Variants in ACHE observed in about 807,000 individuals in gnomAD.
ACHE encodes acetylcholinesterase.
A neutral mutation model predicts 53.9 loss-of-function variants in ACHE; 19 were observed. The observed-to-expected ratio is 0.35, with a 90% CI of 0.25 to 0.52. ACHE has a LOEUF of 0.52. Ranked by LOEUF, ACHE falls within the 20% of genes least tolerant of loss-of-function variation. The pLI, the probability that ACHE is intolerant of heterozygous loss-of-function variation, is 0.95. For synonymous variants in ACHE, 392 were observed against 378.1 expected, an observed-to-expected ratio of 1.04 and a Z score of -0.43; for missense variants, 605 against 849.4, an observed-to-expected ratio of 0.71 and a Z score of 3.58.
chr7:100,891,199 G>C lies in ACHE; in HGVS notation c.1693C>G (p.Arg565Gly), dbSNP rs1258199475. 3.7e-6 allele frequency: 6 copies of C among 1,610,044 alleles called. No homozygotes were observed. Among genetic ancestry groups the C allele is most frequent in the Non-Finnish European group, 4.2e-6 (5 of 1,178,922 alleles). Residue 565 changes from arginine to glycine, a missense_variant, in exon 4 of 5, where the codon CGC becomes GGC. Coordinates refer to ENST00000241069, the MANE Select transcript of ACHE (RefSeq NM_000665.5). Reference sequence around the variant, plus strand: ...GCGCTGAGCAATTTGGGGAGGAAGCGGTTCCAGAAGGCGCAGGCCTGGGCG... The same window carrying C: ...GCGCTGAGCAATTTGGGGAGGAAGCCGTTCCAGAAGGCGCAGGCCTGGGCG... Reference protein sequence around the residue: ...LRAQACAFWNRFLPKLLSATD... With the variant: ...LRAQACAFWNGFLPKLLSATD...
At position 100,892,384 on chromosome 7, in the gene ACHE, T is replaced by C; in HGVS notation, c.1503A>G (p.Lys501=). 7 of 1,515,160 alleles carry C rather than the reference T, an allele frequency of 4.6e-6. No homozygotes were observed. Among genetic ancestry groups the C allele is most frequent in the Non-Finnish European group, 6.2e-6 (7 of 1,129,034 alleles). The allele number at this position is 1,515,160 out of a possible 1,614,324, so 93.9% of individuals were successfully genotyped here. A position where few individuals can be genotyped will look rare whatever the true frequency, so the allele number is the denominator to read the frequency against. ...ATCGCATCAGTCGCTGGGCGAAGAT[T>C]TTCTCCTCTGCCGTGTAGTTTCGAG... The part of the protein sequence containing the change: ...DPSRNYTAEE[K]IFAQRLMRYW... The change falls in exon 3 of 5, where the codon AAA becomes AAG. Residue 501 remains lysine, a synonymous_variant. Coordinates refer to ENST00000241069, the MANE Select transcript of ACHE (RefSeq NM_000665.5). The surrounding 1 kb of genome is among the most constrained non-coding windows in gnomAD (Gnocchi z 5.2).
At position 100,894,161 on chromosome 7, in the gene ACHE, G is replaced by C. The variant is rs1052761992; in HGVS notation, c.72C>G (p.Leu24=). ...ASPLLLLLLW[L]LGGGVGAEGR... is the part of the protein sequence containing the mutation. The stretch of plus-strand genomic sequence containing the variant: ...CCTCAGCCCCCACTCCTCCACCCAG[G>C]AGCCAGAGGAGGAGGAGAAGGAGTG... The change falls in exon 2 of 5, where the codon CTC becomes CTG. Residue 24 remains leucine, a synonymous_variant. Transcript: ENST00000241069. The C allele has an allele frequency of 2.0e-6, 3 of 1,485,478 alleles. No individual in the cohort carries two copies. Among genetic ancestry groups the C allele is most frequent in the African/African-American group, 1.4e-5 (1 of 71,370 alleles). 92.0% of individuals were successfully genotyped at this position (1,485,478 alleles called of 1,614,324 possible).
chr7:100,894,238 CA>C lies in ACHE; in HGVS notation c.-7del. 1 of 1,431,484 alleles carries C rather than the reference CA, an allele frequency of 7.0e-7. No homozygotes were observed. The highest frequency in any genetic ancestry group is 9.1e-7 in the Non-Finnish European group (1 of 1,096,912). 88.7% of individuals were successfully genotyped at this position (1,431,484 alleles called of 1,614,324 possible). A position where few individuals can be genotyped will look rare whatever the true frequency, so the allele number is the denominator to read the frequency against. ...AGACACTGCGGGGGCCTCATGGCTG[CA>C]GGGCAGGCGGCGTCTGCTGGGAGAA... On this transcript the variant is annotated 5_prime_UTR_variant, in exon 2 of 5. Transcript: ENST00000241069.
chr7:100,894,188 G>C lies in ACHE; in HGVS notation c.45C>G (p.Ser15=), dbSNP rs567874662. 6.8e-7 allele frequency: 1 copy of C among 1,477,368 alleles called. No homozygotes were observed. The highest frequency in any genetic ancestry group is 2.3e-5 in the East Asian group (1 of 42,736). 91.5% of individuals were successfully genotyped at this position (1,477,368 alleles called of 1,614,324 possible). ...GCCAGAGGAGGAGGAGAAGGAGTGG[G>C]GAAGCCAGGGAAGGCGTGTGCAGCA... The part of the protein sequence containing the change: ...QCLLHTPSLA[S]PLLLLLLWLL... The change falls in exon 2 of 5, where the codon TCC becomes TCG. Residue 15 remains serine (S), a synonymous_variant. Transcript: ENST00000241069.
At chr7:100,893,073 T>C in intron 2 of ACHE, 92 bp downstream of exon 2, 1 of 1,405,962 alleles carries the variant, frequency 7.1e-7, no homozygotes, top group Non-Finnish European at 9.8e-7. Flanking sequence ...GGAATGGGCC[T>C]GGAGAAGCCC....
chr7:100,891,125 C>G, intron 4 of ACHE, 44 bp downstream of exon 4: 1 of 1,566,410 alleles, frequency 6.4e-7, no homozygotes, highest in African/African-American at 1.4e-5. Context: ...CTGGCGGGCT[C>G]CCACTCCCCT....
chr7:100,892,490 G>A lies in ACHE; in HGVS notation c.1397C>T (p.Ser466Phe). The change falls in exon 3 of 5, where the codon TCC becomes TTC. Residue 466 changes from serine (S) to phenylalanine (F), a missense_variant. This residue lies in a region of ACHE where 397 missense variants were observed against 632.5 expected (regional missense o/e 0.63). Transcript: ENST00000241069. This position sits in a 1 kb window ranked among gnomAD's most constrained non-coding sequence, Gnocchi z 5.2. ...VYAYVFEHRA[S>F]TLSWPLWMGV... is the part of the protein sequence containing the mutation. ...CATCCACAGGGGCCAGGAGAGCGTG[G>A]AAGCACGGTGTTCAAAGACGTAGGC... 6.3e-7 allele frequency: 1 copy of A among 1,589,898 alleles called. No individual in the cohort carries two copies. The highest frequency in any genetic ancestry group is 1.3e-5 in the African/African-American group (1 of 74,436).
At position 100,892,376 on chromosome 7, in the gene ACHE, G is replaced by C; in HGVS notation, c.1511C>G (p.Ala504Gly). ...RNYTAEEKIF[A>G]QRLMRYWANF... Reference sequence around the variant, plus strand: ...GGCCCAGTATCGCATCAGTCGCTGGGCGAAGATTTTCTCCTCTGCCGTGTA... The same window carrying C: ...GGCCCAGTATCGCATCAGTCGCTGGCCGAAGATTTTCTCCTCTGCCGTGTA... Residue 504 changes from alanine (A) to glycine (G), a missense_variant, in exon 3 of 5, where the codon GCC (alanine) becomes GGC (glycine). Ala to Gly is a moderately conservative substitution (Grantham distance 60). Around this residue, in one of 4 missense-constraint regions of ACHE, gnomAD observed 397 missense variants for 632.5 expected, o/e 0.63. Coordinates refer to ENST00000241069, the MANE Select transcript of ACHE (RefSeq NM_000665.5). The surrounding 1 kb of genome is among the most constrained non-coding windows in gnomAD (Gnocchi z 5.2). 2 of 1,516,148 alleles carry C rather than the reference G, an allele frequency of 1.3e-6. No homozygotes were observed. The highest frequency in any genetic ancestry group is 1.8e-6 in the Non-Finnish European group (2 of 1,129,298). The allele number at this position is 1,516,148 out of a possible 1,614,324, so 93.9% of individuals were successfully genotyped here.
At chr7:100,890,831 A>C (rs1790634016) in intron 4 of ACHE, 1 of 1,415,400 alleles carries the variant, frequency 7.1e-7, no homozygotes, top group Admixed American at 3.3e-5. Context: ...TGCCCTGTCC[A>C]GTGTGAGTCT....
chr7:100,896,754 T>C (rs868455261), upstream of ACHE: 4 of 323,820 alleles, frequency 1.2e-5, no homozygotes, highest in African/African-American at 6.7e-5. Flanking sequence ...GGCTGGCAGG[T>C]GGGAGCGGCC....
upstream of ACHE, chr7:100,896,240 A>G (rs1461929487): frequency 6.6e-6 from 1 of 152,268 alleles, no homozygotes; most frequent in Non-Finnish European, 1.5e-5. Context: ...ACTTTCACAG[A>G]CGGACGGACA....
chr7:100,896,983 T>A (rs969437718), upstream of ACHE: 9 of 149,122 alleles, frequency 6.0e-5, no homozygotes, highest in Non-Finnish European at 7.4e-5. Flanking sequence ...CAGGCCAGCG[T>A]CGGGCGTGCG....
chr7:100,896,761 G>C (rs937150750), upstream of ACHE: 36 of 319,072 alleles, frequency 1.1e-4, no homozygotes, highest in African/African-American at 6.2e-4. Context: ...AGGTGGGAGC[G>C]GCCTGGCTCG....
In ACHE at chr7:100,892,991, TG is replaced by T. The variant is rs1242715099; in HGVS notation, c.1068+173del. On this transcript the variant is annotated intron_variant, in intron 2 of 4. Coordinates refer to ENST00000241069, the MANE Select transcript of ACHE (RefSeq NM_000665.5). This position sits in a 1 kb window ranked among gnomAD's most constrained non-coding sequence, Gnocchi z 5.2. ...TGCAGAGAAAGAGAAAATAGACCCATGGTGGCTTTCCTGTCTGCCCTGCTGA... is the reference window on the plus strand; with the variant it reads ...TGCAGAGAAAGAGAAAATAGACCCATGTGGCTTTCCTGTCTGCCCTGCTGA... 6.6e-6 allele frequency among the ~76,000 whole-genome samples: 1 copy of T among 151,922 alleles called. No homozygotes were observed. The highest frequency in any genetic ancestry group is 1.9e-4 in the East Asian group (1 of 5,178).
Position 100,892,198 on chromosome 7 carries a change from T to A in ACHE, c.1553+136A>T. The A allele has an allele frequency of 8.8e-7, 1 of 1,130,152 alleles. No individual in the cohort carries two copies. Among genetic ancestry groups the A allele is most frequent in the Middle Eastern group, 3.2e-4 (1 of 3,158 alleles). 70.0% of individuals were successfully genotyped at this position (1,130,152 alleles called of 1,614,324 possible). A position where few individuals can be genotyped will look rare whatever the true frequency, so the allele number is the denominator to read the frequency against. ...TTTCTCTCCCCTTTTATCTACTTTG[T>A]GAGCATATCCCTCTCTGGCTGTTCT... is the stretch of plus-strand genomic sequence containing the variant. On this transcript the variant is annotated intron_variant, in intron 3 of 4. Transcript: ENST00000241069. The surrounding 1 kb of genome is among the most constrained non-coding windows in gnomAD (Gnocchi z 5.2).
chr7:100,894,259 G>T lies in ACHE; in HGVS notation c.-20-7C>A. The T allele has an allele frequency of 1.4e-6, 2 of 1,420,296 alleles. No homozygotes were observed. The highest frequency in any genetic ancestry group is 6.1e-5 in the Admixed American group (2 of 32,684). The allele number at this position is 1,420,296 out of a possible 1,614,324, so 88.0% of individuals were successfully genotyped here. A position where few individuals can be genotyped will look rare whatever the true frequency, so the allele number is the denominator to read the frequency against. ...GCTGCAGGGCAGGCGGCGTCTGCTGGGAGAAAGAAAGGGAAAGGGTGAAGG... is the reference window on the plus strand; with the variant it reads ...GCTGCAGGGCAGGCGGCGTCTGCTGTGAGAAAGAAAGGGAAAGGGTGAAGG... On this transcript the variant is annotated splice_polypyrimidine_tract_variant and splice_region_variant and intron_variant, in intron 1 of 4. Coordinates refer to ENST00000241069, the MANE Select transcript of ACHE (RefSeq NM_000665.5).
Position 100,890,138 on chromosome 7 carries a change from T to C in ACHE, c.*76A>G, listed in dbSNP as rs1013928015. 5.1e-6 allele frequency: 8 copies of C among 1,562,530 alleles called. No homozygotes were observed. The highest frequency in any genetic ancestry group is 1.2e-5 in the South Asian group (1 of 86,836). The stretch of plus-strand genomic sequence containing the variant: ...CAGAGTCTGGGGCTCGTCTGTGTTA[T>C]AGCCCAGCCCTGAAATAAATAGTAT... On this transcript the variant is annotated 3_prime_UTR_variant, in exon 5 of 5. Coordinates refer to ENST00000241069, the MANE Select transcript of ACHE (RefSeq NM_000665.5).
At position 100,894,206 on chromosome 7, in the gene ACHE, G is replaced by T; in HGVS notation, c.27C>A (p.His9Gln). 6.8e-7 allele frequency: 1 copy of T among 1,467,974 alleles called. No homozygotes were observed. 90.9% of individuals were successfully genotyped at this position (1,467,974 alleles called of 1,614,324 possible). A position where few individuals can be genotyped will look rare whatever the true frequency, so the allele number is the denominator to read the frequency against. Residue 9 changes from histidine (H) to glutamine (Q), a missense_variant, in exon 2 of 5, where the codon CAC becomes CAA. His to Gln is a conservative substitution (Grantham distance 24). Transcript: ENST00000241069. ...GGAGTGGGGAAGCCAGGGAAGGCGTGTGCAGCAGACACTGCGGGGGCCTCA... is the reference window on the plus strand; with the variant it reads ...GGAGTGGGGAAGCCAGGGAAGGCGTTTGCAGCAGACACTGCGGGGGCCTCA... MRPPQCLL[H>Q]TPSLASPLLL...
Position 100,893,185 on chromosome 7 carries a change from C to T in ACHE, c.1048G>A (p.Gly350Arg). The change falls in exon 2 of 5, where the codon GGA (glycine) becomes AGA (arginine). Residue 350 changes from glycine (G) to arginine (R), a missense_variant. This residue lies in a region of ACHE where 397 missense variants were observed against 632.5 expected (regional missense o/e 0.63). Transcript: ENST00000241069. ...GTTACCTGCAGGCCGTGGAAGTCTCCCGCGTTGATGAGGGCCTCTGGGGTG... is the reference window on the plus strand; with the variant it reads ...GTTACCTGCAGGCCGTGGAAGTCTCTCGCGTTGATGAGGGCCTCTGGGGTG... ...SDTPEALINA[G>R]DFHGLQVLVG... 2 of 1,613,966 alleles carry T rather than the reference C, an allele frequency of 1.2e-6. No individual in the cohort carries two copies. The highest frequency in any genetic ancestry group is 1.6e-4 in the Middle Eastern group (1 of 6,062).
Sources: gnomAD v4.1 joint callset for allele counts (sites outside exome capture counted in the v4.1 genomes callset) on GRCh38, gnomAD v4.1.1 for gene constraint, gnomAD v4.1.1 regional missense constraint, Gnocchi (gnomAD v3.1) non-coding constraint, MANE v1.5 for transcripts, NCBI Gene and HGNC (gene_info 2026-07-23, HGNC 2026-07-21) for gene names.